Variants in THRB observed in about 807,000 individuals in gnomAD.
The protein encoded by THRB is thyroid hormone receptor beta, also known as nuclear receptor subfamily 1 group A member 2.
In THRB, 12 loss-of-function variants were observed where a neutral mutation model predicts 47.8. The ratio of observed to expected loss-of-function variants is 0.25; its 90% CI spans 0.16 to 0.41. The LOEUF (loss-of-function observed/expected upper bound fraction) is 0.41. THRB is among the 10% of genes least tolerant of loss of function. THRB has a pLI of 1.00. For missense variants in THRB, 348 were observed against 589.2 expected, an observed-to-expected ratio of 0.59 and a Z score of 4.24; for synonymous variants, 218 against 212.2, an observed-to-expected ratio of 1.03 and a Z score of -0.24.
At chr3:24,171,680 T>A (rs1035589804) in intron 5 of THRB, among the ~76,000 whole-genome samples, 2 of 152,164 alleles carry the variant, frequency 1.3e-5, no homozygotes, top group Non-Finnish European at 2.9e-5. Flanking sequence ...AAAGGTGCTG[T>A]GGAGGAAAGG....
chr3:24,143,904 G>C, intron 7 of THRB, 198 bp from the exon 8 acceptor site: 1 of 623,082 alleles, frequency 1.6e-6, no homozygotes, highest in Admixed American at 2.6e-5. Flanking sequence ...ATGGTCTCTA[G>C]AGCCAAACTC....
chr3:24,327,191 C>T (rs1200848501), intron 2 of THRB, among the ~76,000 whole-genome samples: 3 of 151,938 alleles, frequency 2.0e-5, no homozygotes, highest in East Asian at 1.9e-4. Flanking sequence ...GGTAATTAGA[C>T]GATTTTGTGA....
intron 5 of THRB, among the ~76,000 whole-genome samples, chr3:24,187,003 G>C (rs928855100): frequency 9.5e-5 from 13 of 136,446 alleles, no homozygotes; most frequent in African/African-American, 3.2e-4. Context: ...CAAAACCTTA[G>C]ATAGCTACCC....
chr3:24,381,664 G>A (rs78263049), intron 1 of THRB, among the ~76,000 whole-genome samples: 3,446 of 152,092 alleles, frequency 0.023, 152 homozygotes, highest in African/African-American at 0.079. Flanking sequence ...CATAGATCCC[G>A]GTATAAAATG....
Position 24,122,965 on chromosome 3 carries a change from A to G in THRB, c.1305T>C (p.His435=). The G allele has an allele frequency of 6.2e-7, 1 of 1,614,198 alleles. No homozygotes were observed. The highest frequency in any genetic ancestry group is 8.5e-7 in the Non-Finnish European group (1 of 1,180,036). ...CCTTCATGTGCAGGAAGCGGCTGGCATGGCAGGCTCCTATCATCCGCAGAT... is the reference window on the plus strand; with the variant it reads ...CCTTCATGTGCAGGAAGCGGCTGGCGTGGCAGGCTCCTATCATCCGCAGAT... The part of the protein sequence containing the change: ...VTDLRMIGAC[H]ASRFLHMKVE... Residue 435 remains histidine (H), a synonymous_variant, in exon 11 of 11, where the codon CAT becomes CAC. Transcript: ENST00000646209.
chr3:24,238,293 T>TGGGGGGGGG (rs1559699245), intron 3 of THRB, among the ~76,000 whole-genome samples: 1 of 27,390 alleles, frequency 3.7e-5, no homozygotes, highest in Non-Finnish European at 7.5e-5. Flanking sequence ...GGGGGGGGGG[T>TGGGGGGGGG]GTGTGGGGTG....
chr3:24,347,106 C>G (rs1204218086), intron 1 of THRB, among the ~76,000 whole-genome samples: 8 of 151,872 alleles, frequency 5.3e-5, no homozygotes, highest in Admixed American at 5.3e-4. Flanking sequence ...AAAAATTACA[C>G]AAATATTTGG....
intron 3 of THRB, among the ~76,000 whole-genome samples, chr3:24,274,768 T>A (rs1009328193): frequency 4.6e-5 from 7 of 152,196 alleles, no homozygotes; most frequent in African/African-American, 1.7e-4. Flanking sequence ...TGGTTGTTGG[T>A]TAATTAAATT....
intron 1 of THRB, among the ~76,000 whole-genome samples, chr3:24,466,362 G>T (rs1488351684): frequency 6.6e-6 from 1 of 151,776 alleles, no homozygotes; most frequent in Admixed American, 6.6e-5. Context: ...AGAATTGAGG[G>T]TACCCTCAAC....
intron 3 of THRB, among the ~76,000 whole-genome samples, chr3:24,267,977 A>G (rs544895724): frequency 2.0e-5 from 3 of 152,342 alleles, no homozygotes; most frequent in Non-Finnish European, 4.4e-5. Flanking sequence ...GGTCAAGAAA[A>G]TAATTCTTTA....
chr3:24,286,307 C>T (rs1279256988), intron 3 of THRB, among the ~76,000 whole-genome samples: 1 of 152,214 alleles, frequency 6.6e-6, no homozygotes, highest in Admixed American at 6.5e-5. Context: ...AACATGCTTT[C>T]ATAAAACAAT....
chr3:24,245,934 A>AAACAC (rs1357419550), intron 3 of THRB, among the ~76,000 whole-genome samples: 1 of 152,030 alleles, frequency 6.6e-6, no homozygotes, highest in African/African-American at 2.4e-5. Context: ...AAGCAAAACA[A>AAACAC]AACAAAACAA....
At chr3:24,195,605 T>C (rs1220570902) in intron 4 of THRB, among the ~76,000 whole-genome samples, 1 of 152,234 alleles carries the variant, frequency 6.6e-6, no homozygotes, top group African/African-American at 2.4e-5. Flanking sequence ...TAAAATAATC[T>C]GATGACTTCC....
chr3:24,223,499 T>C (rs886431795), intron 4 of THRB, among the ~76,000 whole-genome samples: 1 of 152,182 alleles, frequency 6.6e-6, no homozygotes, highest in Non-Finnish European at 1.5e-5. Flanking sequence ...AAAAATGCTA[T>C]GGAACCATAT....
chr3:24,232,769 G>A (rs1482248998), intron 3 of THRB, among the ~76,000 whole-genome samples: 2 of 152,180 alleles, frequency 1.3e-5, no homozygotes, highest in African/African-American at 4.8e-5. Flanking sequence ...CTTGAGTGGA[G>A]GTGGTGGAGA....
At chr3:24,331,680 GGTGTGTGT>G (rs35142390) in intron 2 of THRB, among the ~76,000 whole-genome samples, 3 of 150,078 alleles carry the variant, frequency 2.0e-5, no homozygotes, top group Non-Finnish European at 3.0e-5. Context: ...CTCCGTGTAT[GGTGTGTGT>G]GTGTGTGTGT....
In THRB at chr3:24,117,811, T is replaced by C. The variant is rs542730903; in HGVS notation, c.*5073A>G. ...CCAGTTTGAGTTAGCTTTTTGTTAC[T>C]TGTCATAGAAAGAATCTCAATTAAC... On this transcript the variant is annotated 3_prime_UTR_variant, in exon 11 of 11. Coordinates refer to ENST00000646209, the MANE Select transcript of THRB (RefSeq NM_001354712.2). 3.9e-5 allele frequency: 6 copies of C among 152,364 alleles called. No individual in the cohort carries two copies. Among genetic ancestry groups the C allele is most frequent in the East Asian group, 1.9e-4 (1 of 5,192 alleles). 9.4% of individuals were successfully genotyped at this position (152,364 alleles called of 1,614,324 possible). A position where few individuals can be genotyped will look rare whatever the true frequency, so the allele number is the denominator to read the frequency against.
intron 1 of THRB, among the ~76,000 whole-genome samples, chr3:24,375,377 A>G (rs1357039568): frequency 1.4e-5 from 2 of 140,984 alleles, no homozygotes; most frequent in African/African-American, 5.1e-5. Context: ...ATTTAGACAT[A>G]TAATATTAAT....
chr3:24,135,279 T>G (rs1173787194), intron 8 of THRB, among the ~76,000 whole-genome samples: 1 of 152,162 alleles, frequency 6.6e-6, no homozygotes, highest in Non-Finnish European at 1.5e-5. Context: ...AGCACCAGGG[T>G]CAACAGGAGC....
Sources: gnomAD v4.1 joint callset for allele counts (sites outside exome capture counted in the v4.1 genomes callset) on GRCh38, gnomAD v4.1.1 for gene constraint, MANE v1.5 for transcripts, NCBI Gene and HGNC (gene_info 2026-07-23, HGNC 2026-07-21) for gene names.